CLYBL: variants seen among roughly 807,000 people sequenced by gnomAD.
CLYBL encodes the protein citramalyl-CoA lyase, mitochondrial.
CLYBL carries 31 observed loss-of-function variants against 38.9 expected under a neutral mutation model. That is an observed-to-expected ratio of 0.80 (90% confidence interval 0.60 to 1.08). CLYBL has a LOEUF of 1.08. Among genes scored for constraint, CLYBL ranks in the 50% least tolerant of loss-of-function variants. The pLI is 0.00. For missense variants in CLYBL, 434 were observed against 411.6 expected, an observed-to-expected ratio of 1.05 and a Z score of -0.47; for synonymous variants, 171 against 158.6, an observed-to-expected ratio of 1.08 and a Z score of -0.59.
chr13:99,706,702 C>G (rs1246077570), intron 1 of CLYBL, among the ~76,000 whole-genome samples: 1 of 152,210 alleles, frequency 6.6e-6, no homozygotes, highest in Non-Finnish European at 1.5e-5. Flanking sequence ...TATTTTCCCT[C>G]CAGCACTGGA....
At chr13:99,693,636 G>A (rs1566611958) in intron 1 of CLYBL, among the ~76,000 whole-genome samples, 1 of 151,890 alleles carries the variant, frequency 6.6e-6, no homozygotes, top group Non-Finnish European at 1.5e-5. Context: ...CAGAGGCAAG[G>A]CTGGTGGAAA....
intron 1 of CLYBL, among the ~76,000 whole-genome samples, chr13:99,689,146 T>A (rs2047862493): frequency 6.6e-6 from 1 of 152,212 alleles, no homozygotes; most frequent in African/African-American, 2.4e-5. Context: ...ATTCATCAAG[T>A]ATCTTCCTCC....
At chr13:99,898,842 G>A (rs2152136758), downstream of CLYBL, among the ~76,000 whole-genome samples, 1 of 152,286 alleles carries the variant, frequency 6.6e-6, no homozygotes, top group South Asian at 2.1e-4. Context: ...TCATTATAGT[G>A]GTTGTTTAGA....
At chr13:99,652,582 C>T (rs7326777) in intron 1 of CLYBL, among the ~76,000 whole-genome samples, 27,064 of 152,148 alleles carry the variant, frequency 0.18, 2,704 homozygotes, top group African/African-American at 0.27. Context: ...GAAGGGATAA[C>T]ACTATAGCCC....
chr13:99,886,758 C>T (rs2052360136), intron 7 of CLYBL, among the ~76,000 whole-genome samples: 1 of 152,224 alleles, frequency 6.6e-6, no homozygotes, highest in Non-Finnish European at 1.5e-5. Context: ...CCATGGCAGG[C>T]CCTCAGATCG....
intron 2 of CLYBL, among the ~76,000 whole-genome samples, chr13:99,817,095 A>G (rs2050465641): frequency 6.6e-6 from 1 of 152,076 alleles, no homozygotes; most frequent in Non-Finnish European, 1.5e-5. Context: ...TTGTTCCATC[A>G]CCAGGTTTTA....
intron 1 of CLYBL, among the ~76,000 whole-genome samples, chr13:99,757,845 A>C (rs975108796): frequency 6.6e-6 from 1 of 152,252 alleles, no homozygotes; most frequent in Non-Finnish European, 1.5e-5. Context: ...CTCTGCCATC[A>C]GCATATTTGA....
chr13:99,718,587 C>T (rs1284091717), intron 1 of CLYBL, among the ~76,000 whole-genome samples: 2 of 152,134 alleles, frequency 1.3e-5, no homozygotes, highest in South Asian at 2.1e-4. Context: ...TCTTCAGGTG[C>T]TGTTCAAGTC....
At chr13:99,693,398 TTCTC>T (rs756110923) in intron 1 of CLYBL, among the ~76,000 whole-genome samples, 17 of 152,066 alleles carry the variant, frequency 1.1e-4, no homozygotes, top group Admixed American at 2.6e-4. Flanking sequence ...GGCTTTCTCT[TTCTC>T]TCTTCCCTGT....
At chr13:99,776,035 G>A (rs1594175168) in intron 2 of CLYBL, among the ~76,000 whole-genome samples, 1 of 151,780 alleles carries the variant, frequency 6.6e-6, no homozygotes, top group Admixed American at 6.6e-5. Context: ...GTGGTGGCGG[G>A]CGCCTGCAGT....
At chr13:99,758,815 A>G (rs538941002) in intron 1 of CLYBL, among the ~76,000 whole-genome samples, 13 of 152,362 alleles carry the variant, frequency 8.5e-5, no homozygotes, top group African/African-American at 2.4e-4. Context: ...GAGCTTGCTC[A>G]GTGCTGGCCT....
chr13:99,608,812 G>A (rs1459743350), intron 1 of CLYBL, among the ~76,000 whole-genome samples: 1 of 134,806 alleles, frequency 7.4e-6, no homozygotes, highest in Non-Finnish European at 1.5e-5. Context: ...GAATTCAGAC[G>A]TTAATGTTAT....
chr13:99,714,917 C>G (rs1018577717), intron 1 of CLYBL, among the ~76,000 whole-genome samples: 7 of 152,246 alleles, frequency 4.6e-5, no homozygotes, highest in Middle Eastern at 3.4e-3. Context: ...CCACTATACT[C>G]TAGCCTGGGC....
intron 1 of CLYBL, among the ~76,000 whole-genome samples, chr13:99,716,400 T>TTTTC (rs1566299299): frequency 3.2e-5 from 3 of 95,034 alleles, no homozygotes; most frequent in Non-Finnish European, 6.1e-5. Flanking sequence ...CTTTTCTTTT[T>TTTTC]TTTTTTTTTA....
chr13:99,624,674 C>G (rs2763947), intron 1 of CLYBL, among the ~76,000 whole-genome samples: 3 of 151,834 alleles, frequency 2.0e-5, no homozygotes, highest in Non-Finnish European at 4.4e-5. Flanking sequence ...TTTACCCCAG[C>G]GCTGAGATAT....
At chr13:99,693,568 A>T (rs2047938793) in intron 1 of CLYBL, among the ~76,000 whole-genome samples, 1 of 151,858 alleles carries the variant, frequency 6.6e-6, no homozygotes, top group African/African-American at 2.4e-5. Context: ...GATGTGACCC[A>T]CTCTGGTTTA....
At chr13:99,607,354 C>G (rs1412995418) in intron 1 of CLYBL, among the ~76,000 whole-genome samples, 1 of 151,760 alleles carries the variant, frequency 6.6e-6, no homozygotes, top group Non-Finnish European at 1.5e-5. Flanking sequence ...TTGAAAATTT[C>G]TTTGGTTTAA....
Position 99,840,613 on chromosome 13 carries a change from G to C in CLYBL, c.250-18248G>C, listed in dbSNP as rs187799857. Among the ~76,000 whole-genome samples, 190 of 151,950 alleles carry C rather than the reference G, an allele frequency of 1.3e-3. 1 individual carries two copies. Among genetic ancestry groups the C allele is most frequent in the Middle Eastern group, 3.4e-3 (1 of 294 alleles). On this transcript the variant is annotated intron_variant, in intron 2 of 8. Coordinates refer to ENST00000339105, the MANE Select transcript of CLYBL (RefSeq NM_206808.5). ...TCTCTACAAAAAATTAGCCAGGCGT[G>C]GGGGCATGCGCCTGTAGTCCCAGCT...
chr13:99,837,708 C>CTGTT (rs1293705381), intron 2 of CLYBL, among the ~76,000 whole-genome samples: 7 of 152,188 alleles, frequency 4.6e-5, no homozygotes, highest in African/African-American at 1.7e-4. Flanking sequence ...GCTTTGGGCA[C>CTGTT]TGTTTGCCCA....
Sources: allele counts gnomAD v4.1 joint callset (sites outside exome capture counted in the v4.1 genomes callset), GRCh38; gene constraint gnomAD v4.1.1; transcripts MANE v1.5; gene names NCBI Gene and HGNC (gene_info 2026-07-23, HGNC 2026-07-21).